The following BMPER variants were observed in gnomAD, a reference collection of about 807,000 sequenced individuals.
BMPER encodes the protein BMP binding endothelial regulator, also known as BMP-binding endothelial regulator protein.
BMPER carries 45 observed loss-of-function variants against 87.3 expected under a neutral mutation model. The ratio of observed to expected loss-of-function variants is 0.52; its 90% CI spans 0.41 to 0.66. BMPER has a LOEUF of 0.66. BMPER is among the 30% of genes least tolerant of loss of function. BMPER has a pLI of 0.00. For missense variants in BMPER, 784 were observed against 867.5 expected (o/e 0.90, Z 1.21); for synonymous variants, 326 against 316.2 (o/e 1.03, Z -0.33).
At chr7:34,039,776 G>A (rs563000227) in intron 6 of BMPER, among the ~76,000 whole-genome samples, 2 of 152,074 alleles carry the variant, frequency 1.3e-5, no homozygotes, top group South Asian at 4.2e-4. Context: ...AGTATTATAT[G>A]CTCTGGGGCA....
At position 34,062,056 on chromosome 7, in the gene BMPER, A is replaced by G. The variant is rs1273200324; in HGVS notation, c.1078+9A>G. On this transcript the variant is annotated intron_variant, in intron 11 of 14. Transcript: ENST00000649409. ...TCCTATTTGCACTGAAAGTAAGTTT[A>G]TTCCTTTGAAAATGTGCTATTAGTA... 35 of 1,608,580 alleles carry G rather than the reference A, an allele frequency of 2.2e-5. No homozygotes were observed. The highest frequency in any genetic ancestry group is 2.5e-5 in the Non-Finnish European group (30 of 1,176,794).
chr7:33,974,273 C>T (rs1353725535), intron 5 of BMPER, among the ~76,000 whole-genome samples: 3 of 152,062 alleles, frequency 2.0e-5, no homozygotes, highest in African/African-American at 7.2e-5. Flanking sequence ...AGAGGCTGTG[C>T]CCTTCTTAGG....
Position 33,905,592 on chromosome 7 carries a change from C to T in BMPER, c.-22C>T, listed in dbSNP as rs906329407. 2 of 1,610,478 alleles carry T rather than the reference C, an allele frequency of 1.2e-6. No individual in the cohort carries two copies. The highest frequency in any genetic ancestry group is 1.3e-5 in the African/African-American group (1 of 74,870). ...GCGGCGGCGCGGGACCTGCAGTCGCCAGGGATTCCCTCCAGGTGACGATGC... is the reference window on the plus strand; with the variant it reads ...GCGGCGGCGCGGGACCTGCAGTCGCTAGGGATTCCCTCCAGGTGACGATGC... On this transcript the variant is annotated 5_prime_UTR_variant, in exon 1 of 15. Transcript: ENST00000649409.
intron 10 of BMPER, among the ~76,000 whole-genome samples, chr7:34,060,921 G>A (rs1433634486): frequency 6.6e-6 from 1 of 152,200 alleles, no homozygotes; most frequent in African/African-American, 2.4e-5. Flanking sequence ...GGACTCAAGA[G>A]GACAAAACTG....
intron 13 of BMPER, among the ~76,000 whole-genome samples, chr7:34,098,629 G>A (rs1789597566): frequency 6.6e-6 from 1 of 152,068 alleles, no homozygotes; most frequent in African/African-American, 2.4e-5. Flanking sequence ...CCAGCAAATG[G>A]CCCATCTGCG....
At chr7:34,064,510 T>C (rs1244210447) in intron 11 of BMPER, among the ~76,000 whole-genome samples, 6 of 152,184 alleles carry the variant, frequency 3.9e-5, no homozygotes, top group Admixed American at 2.0e-4. Flanking sequence ...TATTATAAAA[T>C]AGAAGCAAGC....
chr7:34,046,519 T>C, intron 7 of BMPER, 114 bp downstream of exon 7: 5 of 1,095,754 alleles, frequency 4.6e-6, no homozygotes, highest in Non-Finnish European at 6.9e-6. Flanking sequence ...TTTCGTGGCT[T>C]GTTAGAGACA....
chr7:34,103,069 C>T (rs551523895), intron 13 of BMPER, among the ~76,000 whole-genome samples: 9 of 152,086 alleles, frequency 5.9e-5, no homozygotes, highest in Admixed American at 2.6e-4. Flanking sequence ...CTGTATCTGG[C>T]ACTGAAGGAT....
intron 6 of BMPER, among the ~76,000 whole-genome samples, chr7:33,981,133 C>G (rs964503339): frequency 6.6e-6 from 1 of 152,202 alleles, no homozygotes; most frequent in Admixed American, 6.5e-5. Context: ...ACCTCTCCAT[C>G]CTTGCTACAC....
At chr7:33,912,961 A>C (rs1335814663) in intron 2 of BMPER, among the ~76,000 whole-genome samples, 5 of 152,144 alleles carry the variant, frequency 3.3e-5, no homozygotes, top group Middle Eastern at 3.2e-3. Flanking sequence ...TCTGTGTTTG[A>C]AGCATTGTGC....
chr7:34,071,652 CA>C (rs5883447), intron 11 of BMPER, among the ~76,000 whole-genome samples: 41,838 of 151,966 alleles, frequency 0.28, 6,620 homozygotes, highest in Non-Finnish European at 0.35. Context: ...GTGAGAGTGG[CA>C]AAAATGCATC....
Position 33,920,898 on chromosome 7 carries a change from G to A in BMPER, c.219+13995G>A, listed in dbSNP as rs529353110. On this transcript the variant is annotated intron_variant, in intron 2 of 14. Coordinates refer to ENST00000649409, the MANE Select transcript of BMPER (RefSeq NM_001365308.1). ...GTACAGTTGAAATTCTGTTATTGGT[G>A]TAAAACTTTATAATAGGTCAACTAC... is the stretch of plus-strand genomic sequence containing the variant. 2.8e-4 allele frequency among the ~76,000 whole-genome samples: 42 copies of A among 152,242 alleles called. 1 individual carries two copies. Among genetic ancestry groups the A allele is most frequent in the Admixed American group, 1.5e-3 (23 of 15,298 alleles).
At chr7:34,001,673 A>C (rs1357848794) in intron 6 of BMPER, among the ~76,000 whole-genome samples, 1 of 151,226 alleles carries the variant, frequency 6.6e-6, no homozygotes, top group Non-Finnish European at 1.5e-5. Flanking sequence ...TCTCGATTTC[A>C]CATATTGCCA....
intron 2 of BMPER, among the ~76,000 whole-genome samples, chr7:33,928,659 A>AG (rs70997560): frequency 6.6e-6 from 1 of 151,278 alleles, no homozygotes; most frequent in East Asian, 1.9e-4. Context: ...AAAAAAAAAA[A>AG]AGCCAGACCT....
intron 4 of BMPER, among the ~76,000 whole-genome samples, chr7:33,969,967 T>A (rs1342346944): frequency 1.3e-5 from 2 of 152,162 alleles, no homozygotes; most frequent in Non-Finnish European, 2.9e-5. Context: ...ATAACAATGA[T>A]AGAAAGTACA....
chr7:34,133,074 A>G (rs1790634857), intron 13 of BMPER, among the ~76,000 whole-genome samples: 1 of 152,160 alleles, frequency 6.6e-6, no homozygotes, highest in South Asian at 2.1e-4. Context: ...TGAGAGATGC[A>G]GAGCTTCTAA....
upstream of BMPER, chr7:33,905,419 G>GCCCCCCCCCCCCCCCCC: frequency 8.2e-5 from 9 of 110,384 alleles, no homozygotes; most frequent in South Asian, 1.8e-4. Context: ...CTCCCCGGGC[G>GCCCCCCCCCCCCCCCCC]CCCCCACACC....
At chr7:34,151,417 G>A (rs982877550) in intron 14 of BMPER, among the ~76,000 whole-genome samples, 8 of 152,164 alleles carry the variant, frequency 5.3e-5, no homozygotes, top group Non-Finnish European at 1.2e-4. Flanking sequence ...TACGATGTCA[G>A]GTAGTAGTAT....
chr7:34,080,751 T>C lies in BMPER; in HGVS notation c.1408+1565T>C, dbSNP rs147029929. 1.4e-3 allele frequency among the ~76,000 whole-genome samples: 210 copies of C among 152,332 alleles called. 1 individual carries two copies. The highest frequency in any genetic ancestry group is 4.8e-3 in the African/African-American group (200 of 41,572). ...TAGATTCTACTGATATGGAAATTATTAGTCAACCACAGCCTAGTTCTCAAA... is the reference window on the plus strand; with the variant it reads ...TAGATTCTACTGATATGGAAATTATCAGTCAACCACAGCCTAGTTCTCAAA... On this transcript the variant is annotated intron_variant, in intron 12 of 14. Coordinates refer to ENST00000649409, the MANE Select transcript of BMPER (RefSeq NM_001365308.1).
Sources: allele counts gnomAD v4.1 joint callset (sites outside exome capture counted in the v4.1 genomes callset), GRCh38; gene constraint gnomAD v4.1.1; transcripts MANE v1.5; gene names NCBI Gene and HGNC (gene_info 2026-07-23, HGNC 2026-07-21).